NDUFAF6: variants seen among roughly 807,000 people sequenced by gnomAD.
The protein encoded by NDUFAF6 is NADH dehydrogenase (ubiquinone) complex I, assembly factor 6.
NDUFAF6 carries 45 observed loss-of-function variants against 40.8 expected under a neutral mutation model. The ratio of observed to expected loss-of-function variants is 1.10; its 90% CI spans 0.87 to 1.42. The LOEUF is 1.42. NDUFAF6 is among the 40% of genes most tolerant of loss of function. The pLI, the probability that NDUFAF6 is intolerant of heterozygous loss-of-function variation, is 0.00. For synonymous variants in NDUFAF6, 185 were observed against 155.9 expected (o/e 1.19, Z -1.39); for missense variants, 435 against 418.5 (o/e 1.04, Z -0.34).
chr8:94,930,812 G>T, intron 1 of NDUFAF6: 1 of 1,456,096 alleles, frequency 6.9e-7, no homozygotes. Flanking sequence ...AATTCAATTT[G>T]CCACGCTAAT....
intron 1 of NDUFAF6, among the ~76,000 whole-genome samples, chr8:94,978,527 G>A (rs1825154843): frequency 6.6e-6 from 1 of 151,988 alleles, no homozygotes; most frequent in African/African-American, 2.4e-5. Context: ...ACTAGCTCTG[G>A]CAACACAGTG....
intron 7 of NDUFAF6, among the ~76,000 whole-genome samples, chr8:95,051,680 T>C (rs1274260595): frequency 5.9e-5 from 9 of 152,098 alleles, no homozygotes; most frequent in Admixed American, 5.2e-4. Context: ...CCAGGATGAA[T>C]TGTTGAAACT....
Position 94,930,868 on chromosome 8 carries a change from A to G in NDUFAF6, c.-935-14615A>G, listed in dbSNP as rs778459251. On this transcript the variant is annotated intron_variant, in intron 1 of 14. Coordinates refer to the NDUFAF6 transcript ENST00000396113. ...GCTTGTGTTTCATGGCTGACAGACAAGTTTATTATTCTGTGACCCCACTGA... is the reference window on the plus strand; with the variant it reads ...GCTTGTGTTTCATGGCTGACAGACAGGTTTATTATTCTGTGACCCCACTGA... 2.3e-4 allele frequency: 232 copies of G among 1,024,362 alleles called. 2 individuals are homozygous for G. In the Admixed American group the frequency reaches 2.5e-3, roughly 11 times the overall value. 63.5% of individuals were successfully genotyped at this position (1,024,362 alleles called of 1,614,324 possible). A position where few individuals can be genotyped will look rare whatever the true frequency, so the allele number is the denominator to read the frequency against.
intron 1 of NDUFAF6, among the ~76,000 whole-genome samples, chr8:94,897,199 TTGAA>T (rs1188594505): frequency 6.6e-6 from 1 of 152,178 alleles, no homozygotes; most frequent in Admixed American, 6.5e-5. Flanking sequence ...GGAATCATCT[TTGAA>T]TGATGAATGT....
chr8:94,980,663 C>T (rs1261693340), intron 1 of NDUFAF6, among the ~76,000 whole-genome samples: 1 of 151,342 alleles, frequency 6.6e-6, no homozygotes, highest in Non-Finnish European at 1.5e-5. Context: ...GTTGGCCAGA[C>T]TGGTCTTGAA....
intron 1 of NDUFAF6, chr8:94,939,801 T>C (rs950997480): frequency 6.4e-7 from 1 of 1,564,626 alleles, no homozygotes; most frequent in Non-Finnish European, 8.6e-7. Flanking sequence ...TGAATTACAG[T>C]AGAGACAAAA....
chr8:95,025,169 C>T lies in NDUFAF6; in HGVS notation c.161C>T (p.Ala54Val). The T allele has an allele frequency of 4.7e-6, 7 of 1,480,300 alleles. No individual in the cohort carries two copies. The highest frequency in any genetic ancestry group is 1.5e-5 in the African/African-American group (1 of 68,298). 91.7% of individuals were successfully genotyped at this position (1,480,300 alleles called of 1,614,324 possible). A position where few individuals can be genotyped will look rare whatever the true frequency, so the allele number is the denominator to read the frequency against. The change falls in exon 1 of 9, where the codon GCC becomes GTC. Residue 54 changes from alanine (A) to valine (V), a missense_variant. Coordinates refer to ENST00000396124, the MANE Select transcript of NDUFAF6 (RefSeq NM_152416.4). ...GTGGCTGCGGCCAGCGGACCGGGCG[C>T]CTGGGGCACTGACCACTACTGCCTG... ...RSVAAASGPG[A>V]WGTDHYCLEL...
intron 1 of NDUFAF6, among the ~76,000 whole-genome samples, chr8:94,910,853 T>C (rs942615059): frequency 4.4e-4 from 64 of 144,850 alleles, no homozygotes; most frequent in Middle Eastern, 3.5e-3. Flanking sequence ...TCAGGAAGTG[T>C]TTTAAAAAGT....
intron 1 of NDUFAF6, among the ~76,000 whole-genome samples, chr8:94,964,428 CAAAAAAAAAAA>C (rs71569104): frequency 1.4e-5 from 1 of 69,010 alleles, no homozygotes; most frequent in Non-Finnish European, 2.7e-5. Flanking sequence ...GACCCTGTCT[CAAAAAAAAAAA>C]AAAAAAAAGG....
intron 1 of NDUFAF6, among the ~76,000 whole-genome samples, chr8:94,930,895 T>C (rs998504758): frequency 7.9e-5 from 12 of 152,228 alleles, no homozygotes; most frequent in African/African-American, 2.2e-4. Flanking sequence ...CCCCACTGAC[T>C]GATAGTGGTG....
chr8:95,086,727 G>A (rs1357649854), intron 2 of NDUFAF6, among the ~76,000 whole-genome samples: 1 of 151,256 alleles, frequency 6.6e-6, no homozygotes, highest in South Asian at 2.1e-4. Context: ...TCAGTCTCCC[G>A]AGTAGCTGGG....
chr8:94,937,366 G>A (rs984909584), intron 1 of NDUFAF6, among the ~76,000 whole-genome samples: 1 of 151,682 alleles, frequency 6.6e-6, no homozygotes, highest in African/African-American at 2.4e-5. Flanking sequence ...ACTTGAACCC[G>A]GGAGGCAGAG....
intron 1 of NDUFAF6, among the ~76,000 whole-genome samples, chr8:94,937,596 A>G (rs1157580191): frequency 6.6e-6 from 1 of 152,178 alleles, no homozygotes; most frequent in Non-Finnish European, 1.5e-5. Flanking sequence ...AGGGTTAAGT[A>G]TGCTAGTATA....
At chr8:94,972,717 C>G (rs533677510) in intron 1 of NDUFAF6, among the ~76,000 whole-genome samples, 3 of 138,678 alleles carry the variant, frequency 2.2e-5, no homozygotes, top group Non-Finnish European at 4.6e-5. Flanking sequence ...GTAGCAAGAC[C>G]CTGTCTCTAC....
chr8:95,091,536 T>G (rs1222189920), intron 2 of NDUFAF6, among the ~76,000 whole-genome samples: 1 of 152,008 alleles, frequency 6.6e-6, no homozygotes, highest in Non-Finnish European at 1.5e-5. Context: ...TGAACTCTAT[T>G]TGATGTTCAT....
At chr8:94,981,961 G>A (rs1222953303) in intron 2 of NDUFAF6, among the ~76,000 whole-genome samples, 6 of 151,794 alleles carry the variant, frequency 4.0e-5, no homozygotes, top group Non-Finnish European at 8.8e-5. Context: ...CAGGCGCGGT[G>A]GCTCACGCCT....
At chr8:95,033,882 A>G in intron 2 of NDUFAF6, 23 of 386,814 alleles carry the variant, frequency 5.9e-5, no homozygotes, top group South Asian at 4.3e-4. Context: ...AGATTCAGTT[A>G]GGGGCACCTG....
intron 2 of NDUFAF6, among the ~76,000 whole-genome samples, chr8:94,983,296 A>G (rs562899779): frequency 5.6e-4 from 60 of 106,486 alleles, no homozygotes; most frequent in African/African-American, 2.3e-3. Flanking sequence ...ACAGTGTCTC[A>G]CTTTGTTGCC....
At chr8:95,046,014 G>C (rs1224905839) in intron 5 of NDUFAF6, among the ~76,000 whole-genome samples, 1 of 150,746 alleles carries the variant, frequency 6.6e-6, no homozygotes, top group East Asian at 1.9e-4. Context: ...AAAAAGAAAA[G>C]TAGAAGAAGT....
Sources: gnomAD v4.1 joint callset for allele counts (sites outside exome capture counted in the v4.1 genomes callset) on GRCh38, gnomAD v4.1.1 for gene constraint, MANE v1.5 for transcripts, NCBI Gene and HGNC (gene_info 2026-07-23, HGNC 2026-07-21) for gene names.